The following NAV3 variants were observed in gnomAD, a reference collection of about 807,000 sequenced individuals.
NAV3 encodes pore membrane and/or filament interacting like protein 1.
In NAV3, 87 loss-of-function variants were observed where a neutral mutation model predicts 244.7. The observed-to-expected ratio is 0.36, with a 90% CI of 0.30 to 0.42. The LOEUF (loss-of-function observed/expected upper bound fraction) is 0.42, where lower values mean the gene tolerates loss of function less well. Ranked by LOEUF, NAV3 falls within the 20% of genes least tolerant of loss-of-function variation. The probability of loss-of-function intolerance (pLI) is 1.00; values close to 1 mark genes in which losing one functional copy is unlikely to be tolerated. For synonymous variants in NAV3, 1,126 were observed against 1,042.2 expected (o/e 1.08, Z -1.55); for missense variants, 2,663 against 2,893.3 (o/e 0.92, Z 1.83).
chr12:77,579,663 C>T (rs1869258058), intron 2 of NAV3, among the ~76,000 whole-genome samples: 1 of 152,218 alleles, frequency 6.6e-6, no homozygotes, highest in Non-Finnish European at 1.5e-5. Flanking sequence ...AGGAGGCTAA[C>T]ATACAAACCA....
intron 6 of NAV3, among the ~76,000 whole-genome samples, chr12:77,997,055 C>T (rs1872465008): frequency 6.6e-6 from 1 of 151,864 alleles, no homozygotes; most frequent in Non-Finnish European, 1.5e-5. Flanking sequence ...GCCTAGCCAA[C>T]ACAGGGAAAC....
rs1056830699 is a variant in NAV3, at chr12:77,681,019, G to A, written c.72+108753G>A. ...CATTCTTTGTTAGATTTCTGGCCCT[G>A]GGATCTTATCTTTAACTTTTTCTGA... On this transcript the variant is annotated intron_variant, in intron 2 of 8. Transcript: ENST00000550042. Among the ~76,000 whole-genome samples the A allele has an allele frequency of 2.0e-5, 3 of 152,134 alleles. 1 individual carries two copies. Among genetic ancestry groups the A allele is most frequent in the Admixed American group, 2.0e-4 (3 of 15,264 alleles).
chr12:77,858,950 C>T (rs1878798765), intron 1 of NAV3, among the ~76,000 whole-genome samples: 1 of 151,910 alleles, frequency 6.6e-6, no homozygotes, highest in Admixed American at 6.6e-5. Flanking sequence ...AGTTCTTTAC[C>T]CTGACCTAAG....
chr12:78,174,494 T>C (rs1397520234), intron 24 of NAV3, among the ~76,000 whole-genome samples: 1 of 151,926 alleles, frequency 6.6e-6, no homozygotes, highest in Non-Finnish European at 1.5e-5. Flanking sequence ...AAGTTACATT[T>C]AGTAATTAAA....
At chr12:78,034,819 C>T (rs902360298) in intron 9 of NAV3, among the ~76,000 whole-genome samples, 4 of 152,130 alleles carry the variant, frequency 2.6e-5, no homozygotes. Context: ...TCATTTTGGT[C>T]TTCCAAAAAA....
Position 77,941,105 on chromosome 12 carries a change from A to G in NAV3, c.386A>G (p.Asn129Ser), listed in dbSNP as rs776592877. The change falls in exon 3 of 40, where the codon AAT becomes AGT. Residue 129 changes from asparagine (N) to serine (S), a missense_variant. This residue lies in a region of NAV3 where 1,521 missense variants were observed against 1,497.0 expected (regional missense o/e 1.02). Transcript: ENST00000397909. Reference sequence around the variant, plus strand: ...GCAAATGAAAAAGTTGAAGATATCAATGGATGTCCTAGAAGTCAGTCTCAG... The same window carrying G: ...GCAAATGAAAAAGTTGAAGATATCAGTGGATGTCCTAGAAGTCAGTCTCAG... ...IIANEKVEDI[N>S]GCPRSQSQMI... 14 of 1,586,736 alleles carry G rather than the reference A, an allele frequency of 8.8e-6. No individual in the cohort carries two copies. The East Asian group carries it at 1.1e-4, about 13-fold the overall frequency.
intron 2 of NAV3, among the ~76,000 whole-genome samples, chr12:77,762,220 T>C (rs1171980920): frequency 5.9e-5 from 9 of 151,652 alleles, no homozygotes; most frequent in Non-Finnish European, 2.9e-5. Context: ...TAAGTATGAG[T>C]TGAACAATGA....
chr12:77,882,423 A>C (rs1330863580), intron 1 of NAV3, among the ~76,000 whole-genome samples: 6 of 152,126 alleles, frequency 3.9e-5, no homozygotes, highest in Non-Finnish European at 8.8e-5. Flanking sequence ...CATATACAAA[A>C]ATTAACTCAA....
chr12:77,755,434 ATCT>A (rs1344120673), intron 2 of NAV3, among the ~76,000 whole-genome samples: 1 of 151,650 alleles, frequency 6.6e-6, no homozygotes, highest in African/African-American at 2.4e-5. Flanking sequence ...CGTTGATGGG[ATCT>A]TCTTTTCTTT....
intron 31 of NAV3, among the ~76,000 whole-genome samples, chr12:78,187,990 C>T (rs1211575083): frequency 1.3e-5 from 2 of 151,842 alleles, no homozygotes; most frequent in African/African-American, 4.8e-5. Flanking sequence ...CAGTTTTCCT[C>T]GACATGCTGC....
At chr12:77,761,183 C>T (rs1042015703) in intron 2 of NAV3, among the ~76,000 whole-genome samples, 3 of 152,094 alleles carry the variant, frequency 2.0e-5, no homozygotes, top group East Asian at 3.9e-4. Flanking sequence ...CTCAGCCTCC[C>T]GAGTAGCTGG....
chr12:77,914,664 AGTTTTGTCTAGTCTATTG>A (rs1220360238), intron 1 of NAV3, among the ~76,000 whole-genome samples: 2 of 151,952 alleles, frequency 1.3e-5, no homozygotes, highest in African/African-American at 4.8e-5. Flanking sequence ...CAATACATGT[AGTTTTGTCTAGTCTATTG>A]GTTTTGTCTA....
chr12:77,989,850 A>G (rs944301634), intron 5 of NAV3, among the ~76,000 whole-genome samples: 1 of 152,158 alleles, frequency 6.6e-6, no homozygotes. Flanking sequence ...ATAAATAAGA[A>G]TAGTTCTTAT....
chr12:78,153,097 C>T (rs988586138), intron 22 of NAV3, among the ~76,000 whole-genome samples: 6 of 151,836 alleles, frequency 4.0e-5, no homozygotes, highest in Admixed American at 6.6e-5. Context: ...ATTGGTATAT[C>T]GCATATTTAA....
chr12:77,983,071 T>A (rs1869853122), intron 5 of NAV3, among the ~76,000 whole-genome samples: 1 of 152,194 alleles, frequency 6.6e-6, no homozygotes, highest in African/African-American at 2.4e-5. Flanking sequence ...GAGAGAAGAC[T>A]GGAGAAATAG....
chr12:77,755,181 GCTTA>G (rs1201607326), intron 2 of NAV3, among the ~76,000 whole-genome samples: 1 of 151,660 alleles, frequency 6.6e-6, no homozygotes, highest in African/African-American at 2.4e-5. Context: ...AACCACTTAT[GCTTA>G]CTGTTTTTTT....
At chr12:77,888,024 G>GTT (rs1555223631) in intron 1 of NAV3, among the ~76,000 whole-genome samples, 2 of 148,460 alleles carry the variant, frequency 1.3e-5, no homozygotes, top group Admixed American at 6.7e-5. Flanking sequence ...AAGTTGTTGA[G>GTT]TTTTTTTTTT....
At position 77,819,838 on chromosome 12, in the gene NAV3, A is replaced by G. The variant is rs148781329; in HGVS notation, c.73-120481A>G. Among the ~76,000 whole-genome samples, 79 of 152,238 alleles carry G rather than the reference A, an allele frequency of 5.2e-4. No individual in the cohort carries two copies. In the Middle Eastern group the frequency reaches 0.014, roughly 26 times the overall value. ...CACACATTTAAAACAGGAACGAGAA[A>G]GATATTTTAGGGCAACATATGTGTG... On this transcript the variant is annotated intron_variant, in intron 2 of 8. Transcript: ENST00000550042.
intron 1 of NAV3, among the ~76,000 whole-genome samples, chr12:77,886,021 A>G (rs1189988968): frequency 1.3e-5 from 2 of 152,102 alleles, no homozygotes; most frequent in Admixed American, 6.6e-5. Flanking sequence ...TACCTCTATT[A>G]CCACTGCCCT....
Sources: allele counts gnomAD v4.1 joint callset (sites outside exome capture counted in the v4.1 genomes callset), GRCh38; gene constraint gnomAD v4.1.1; regional missense constraint gnomAD v4.1.1; transcripts MANE v1.5; gene names NCBI Gene and HGNC (gene_info 2026-07-23, HGNC 2026-07-21).